LDHC: variants seen among roughly 807,000 people sequenced by gnomAD.
LDHC encodes the protein L-lactate dehydrogenase C chain.
In LDHC, 20 loss-of-function variants were observed where a neutral mutation model predicts 30.2. The ratio of observed to expected loss-of-function variants is 0.66; its 90% CI spans 0.47 to 0.96. LDHC has a LOEUF of 0.96. Ranked by LOEUF, LDHC falls within the 40% of genes least tolerant of loss-of-function variation. The pLI is 0.00. For missense variants in LDHC, 362 were observed against 394.9 expected, an observed-to-expected ratio of 0.92 and a Z score of 0.71; for synonymous variants, 139 against 132.7, an observed-to-expected ratio of 1.05 and a Z score of -0.32.
intron 6 of LDHC, among the ~76,000 whole-genome samples, chr11:18,440,513 G>C (rs150490304): frequency 6.6e-6 from 1 of 152,094 alleles, no homozygotes; most frequent in African/African-American, 2.4e-5. Flanking sequence ...TGAGTACAGA[G>C]CTACAGTTTG....
chr11:18,424,435 T>C (rs899125261), intron 3 of LDHC, among the ~76,000 whole-genome samples: 1 of 151,882 alleles, frequency 6.6e-6, no homozygotes, highest in Non-Finnish European at 1.5e-5. Context: ...AAGTTGAACA[T>C]GAACATATCC....
intron 2 of LDHC, among the ~76,000 whole-genome samples, chr11:18,414,479 G>A (rs1006234411): frequency 2.0e-5 from 3 of 152,104 alleles, no homozygotes; most frequent in South Asian, 2.1e-4. Flanking sequence ...GGGCCATAAC[G>A]ACGCATACTA....
chr11:18,425,400 G>A (rs1848144540), intron 3 of LDHC, among the ~76,000 whole-genome samples: 1 of 151,832 alleles, frequency 6.6e-6, no homozygotes, highest in Non-Finnish European at 1.5e-5. Context: ...ATATTTTAGA[G>A]ACTAGGTCTT....
intron 3 of LDHC, among the ~76,000 whole-genome samples, chr11:18,422,625 CAAT>C (rs1848084423): frequency 6.6e-6 from 1 of 151,250 alleles, no homozygotes; most frequent in Admixed American, 6.6e-5. Context: ...CTATTATTTA[CAAT>C]ATCATAAAAA....
intron 4 of LDHC, among the ~76,000 whole-genome samples, chr11:18,434,381 G>A (rs1038019362): frequency 1.3e-5 from 2 of 151,996 alleles, no homozygotes; most frequent in East Asian, 1.9e-4. Context: ...GGGTGTTGAC[G>A]AGCCTTCTTT....
intron 3 of LDHC, among the ~76,000 whole-genome samples, chr11:18,417,815 AAT>A (rs569364367): frequency 2.3e-3 from 343 of 152,310 alleles, no homozygotes; most frequent in Admixed American, 3.7e-3. Context: ...GATTAACAAT[AAT>A]GTAACATTGG....
chr11:18,413,847 A>AG (rs1456931188), intron 2 of LDHC, among the ~76,000 whole-genome samples: 1 of 152,216 alleles, frequency 6.6e-6, no homozygotes, highest in African/African-American at 2.4e-5. Context: ...CCTTGTATAT[A>AG]GTTCCGTACT....
chr11:18,441,548 G>A (rs1269571292), intron 6 of LDHC, among the ~76,000 whole-genome samples: 2 of 150,414 alleles, frequency 1.3e-5, no homozygotes, highest in African/African-American at 2.4e-5. Flanking sequence ...CTCATGATCT[G>A]CCCACCTTGG....
chr11:18,427,052 C>A (rs1333567321), intron 3 of LDHC, among the ~76,000 whole-genome samples: 2 of 152,024 alleles, frequency 1.3e-5, no homozygotes, highest in African/African-American at 4.8e-5. Context: ...TCTTAAGAAC[C>A]ATATTTTTTA....
At chr11:18,412,965 T>A in intron 2 of LDHC, 122 bp downstream of exon 2, 1 of 467,710 alleles carries the variant, frequency 2.1e-6, no homozygotes, top group Non-Finnish European at 3.5e-6. Context: ...CTTTGACCTT[T>A]CCTCCCTCCC....
chr11:18,422,759 T>C (rs879825612), intron 3 of LDHC, among the ~76,000 whole-genome samples: 3 of 150,614 alleles, frequency 2.0e-5, no homozygotes, highest in Non-Finnish European at 4.4e-5. Context: ...GAGGCGGGAG[T>C]ATCGCTTGAG....
chr11:18,439,567 A>C (rs1458472416), intron 6 of LDHC, among the ~76,000 whole-genome samples: 1 of 149,590 alleles, frequency 6.7e-6, no homozygotes, highest in Non-Finnish European at 1.5e-5. Context: ...CCATCTCAAA[A>C]AAAAAAAAAA....
intron 4 of LDHC, among the ~76,000 whole-genome samples, chr11:18,433,397 A>AT (rs1340991750): frequency 6.8e-6 from 1 of 147,522 alleles, no homozygotes; most frequent in East Asian, 2.0e-4. Flanking sequence ...AAAAAAGGAA[A>AT]TAAAAAAAAA....
intron 2 of LDHC, among the ~76,000 whole-genome samples, chr11:18,413,556 G>A (rs1590221557): frequency 6.6e-6 from 1 of 150,564 alleles, no homozygotes; most frequent in East Asian, 2.0e-4. Context: ...TTTGCCTCCC[G>A]GGTTCAAGCA....
At chr11:18,429,982 T>C (rs753612132) in intron 4 of LDHC, 72 bp downstream of exon 4, 1 of 915,892 alleles carries the variant, frequency 1.1e-6, no homozygotes, top group Non-Finnish European at 1.7e-6. Flanking sequence ...AGAATCAACT[T>C]CATTGAGTTA....
rs915329214 is a variant in LDHC, at chr11:18,412,909, T to G, written c.126+66T>G. The G allele has an allele frequency of 2.0e-6, 3 of 1,520,296 alleles. No individual in the cohort carries two copies. The African/African-American group carries it at 4.1e-5, about 21-fold the overall frequency. The allele number at this position is 1,520,296 out of a possible 1,614,324, so 94.2% of individuals were successfully genotyped here. The stretch of plus-strand genomic sequence containing the variant: ...CACTTCAGAGTGTTGTATATGTCGA[T>G]GTATTCAGGGTTGCAAGGTTAATCC... On this transcript the variant is annotated intron_variant, in intron 2 of 7. Coordinates refer to ENST00000541669, the MANE Select transcript of LDHC (RefSeq NM_017448.5).
intron 6 of LDHC, among the ~76,000 whole-genome samples, chr11:18,445,450 G>A: frequency 6.6e-6 from 1 of 152,082 alleles, no homozygotes; most frequent in East Asian, 1.9e-4. Flanking sequence ...ACCCACCTCG[G>A]CCTCCCAAAG....
At chr11:18,447,370 C>T (rs923142269) in intron 7 of LDHC, among the ~76,000 whole-genome samples, 6 of 151,988 alleles carry the variant, frequency 3.9e-5, no homozygotes, top group African/African-American at 1.2e-4. Context: ...CTCCTGACCT[C>T]GTAATCTGCC....
chr11:18,436,353 A>G (rs1381137372), intron 5 of LDHC, among the ~76,000 whole-genome samples: 1 of 151,862 alleles, frequency 6.6e-6, no homozygotes, highest in African/African-American at 2.4e-5. Context: ...CATTGGATCT[A>G]CTTTCTTTAA....
Sources: allele counts gnomAD v4.1 joint callset (sites outside exome capture counted in the v4.1 genomes callset), GRCh38; gene constraint gnomAD v4.1.1; transcripts MANE v1.5; gene names NCBI Gene and HGNC (gene_info 2026-07-23, HGNC 2026-07-21).